The following KIAA0825 variants were observed in gnomAD, a reference collection of about 807,000 sequenced individuals.
KIAA0825 encodes the protein uncharacterized protein KIAA0825.
KIAA0825 carries 119 observed loss-of-function variants against 147.6 expected under a neutral mutation model. The observed-to-expected ratio is 0.81, with a 90% confidence interval of 0.69 to 0.94. The LOEUF (loss-of-function observed/expected upper bound fraction) is 0.94. KIAA0825 is among the 40% of genes least tolerant of loss of function. KIAA0825 has a pLI of 0.00. For missense variants in KIAA0825, 1,381 were observed against 1,472.7 expected, an observed-to-expected ratio of 0.94 and a Z score of 1.02; for synonymous variants, 470 against 518.1, an observed-to-expected ratio of 0.91 and a Z score of 1.26.
intron 20 of KIAA0825, among the ~76,000 whole-genome samples, chr5:94,305,422 A>G (rs1225865904): frequency 6.6e-6 from 1 of 151,980 alleles, no homozygotes. Flanking sequence ...TAGGATTGAC[A>G]TATGACATTT....
intron 20 of KIAA0825, among the ~76,000 whole-genome samples, chr5:94,201,613 T>C (rs1037917320): frequency 1.3e-5 from 2 of 149,878 alleles, no homozygotes; most frequent in African/African-American, 5.1e-5. Context: ...TTTTGGTTTT[T>C]TGGTTTTTTT....
chr5:94,211,853 A>G (rs1772739592), intron 20 of KIAA0825, among the ~76,000 whole-genome samples: 1 of 152,188 alleles, frequency 6.6e-6, no homozygotes, highest in Non-Finnish European at 1.5e-5. Context: ...ATCCCTAACT[A>G]TGTTCTCAGA....
chr5:94,411,019 G>A (rs1483230994), intron 15 of KIAA0825, among the ~76,000 whole-genome samples: 1 of 151,986 alleles, frequency 6.6e-6, no homozygotes, highest in African/African-American at 2.4e-5. Context: ...ACAATAAATT[G>A]TAGGGTTTAT....
intron 20 of KIAA0825, among the ~76,000 whole-genome samples, chr5:94,199,941 T>C (rs1331612372): frequency 6.6e-6 from 1 of 152,116 alleles, no homozygotes; most frequent in Non-Finnish European, 1.5e-5. Context: ...ACAGGGACCC[T>C]GGGAGAGACT....
intron 15 of KIAA0825, chr5:94,414,487 G>A (rs975090386): frequency 6.6e-5 from 10 of 152,240 alleles, no homozygotes; most frequent in Non-Finnish European, 1.0e-4. Flanking sequence ...TTAATTATTT[G>A]TTGTACTTAT....
At chr5:94,432,470 T>A (rs1259550510) in intron 14 of KIAA0825, among the ~76,000 whole-genome samples, 1 of 152,220 alleles carries the variant, frequency 6.6e-6, no homozygotes, top group Non-Finnish European at 1.5e-5. Flanking sequence ...TTTCTGGGAC[T>A]AATAATTTTA....
chr5:94,431,317 A>G (rs371427752), intron 14 of KIAA0825, among the ~76,000 whole-genome samples: 3 of 152,226 alleles, frequency 2.0e-5, no homozygotes, highest in Non-Finnish European at 4.4e-5. Flanking sequence ...CAATGAATAA[A>G]ACAGAATTGT....
chr5:94,365,415 G>A (rs540839602), intron 20 of KIAA0825, among the ~76,000 whole-genome samples: 5 of 152,222 alleles, frequency 3.3e-5, no homozygotes, highest in East Asian at 1.9e-4. Flanking sequence ...GCAGATGCCC[G>A]CATCAAGTTT....
chr5:94,440,367 CCTATGTTTCATGGAA>C (rs1562498785), intron 13 of KIAA0825, among the ~76,000 whole-genome samples: 1 of 152,118 alleles, frequency 6.6e-6, no homozygotes, highest in Non-Finnish European at 1.5e-5. Flanking sequence ...AATACCCATG[CCTATGTTTCATGGAA>C]CTATGTCTGT....
At chr5:94,464,015 A>G (rs2150960359) in intron 11 of KIAA0825, among the ~76,000 whole-genome samples, 1 of 151,090 alleles carries the variant, frequency 6.6e-6, no homozygotes, top group Admixed American at 6.6e-5. Flanking sequence ...ATGCCCTTCA[A>G]ATTACAGCAT....
intron 20 of KIAA0825, among the ~76,000 whole-genome samples, chr5:94,301,956 G>A (rs1434562889): frequency 2.6e-5 from 4 of 152,060 alleles, no homozygotes; most frequent in Non-Finnish European, 4.4e-5. Context: ...TGCAATATCA[G>A]TGACATTTGG....
intron 14 of KIAA0825, among the ~76,000 whole-genome samples, chr5:94,425,090 T>G (rs182488428): frequency 1.3e-5 from 2 of 152,168 alleles, no homozygotes; most frequent in Admixed American, 1.3e-4. Context: ...CTCAAACTAT[T>G]CTAAAAGAGT....
In KIAA0825 at chr5:94,440,237, T is replaced by TCTGAAAATG. The variant is rs780258961; in HGVS notation, c.2358-125_2358-117dup. ...TAAATGTCAATTCCTCCCTGATTAC[T>TCTGAAAATG]CTGAAAATGCTTTCATGCTTGCTTA... is the stretch of plus-strand genomic sequence containing the variant. On this transcript the variant is annotated intron_variant, in intron 13 of 20. Coordinates refer to ENST00000682413, the MANE Select transcript of KIAA0825 (RefSeq NM_001145678.3). 765 of 1,062,190 alleles carry TCTGAAAATG rather than the reference T, an allele frequency of 7.2e-4. 1 individual carries two copies. The highest frequency in any genetic ancestry group is 9.4e-4 in the Non-Finnish European group (711 of 753,354). The allele number at this position is 1,062,190 out of a possible 1,614,324, so 65.8% of individuals were successfully genotyped here.
At chr5:94,571,558 G>C (rs1382273587) in intron 2 of KIAA0825, among the ~76,000 whole-genome samples, 4 of 152,318 alleles carry the variant, frequency 2.6e-5, no homozygotes, top group Middle Eastern at 3.4e-3. Context: ...ATGCCTGACA[G>C]AGTGGTATAC....
chr5:94,322,560 T>C (rs1258034652), intron 20 of KIAA0825, among the ~76,000 whole-genome samples: 1 of 151,946 alleles, frequency 6.6e-6, no homozygotes, highest in Non-Finnish European at 1.5e-5. Context: ...GTAAAATTAC[T>C]GAAACTGTAA....
At chr5:94,496,221 A>C (rs1484345810) in intron 5 of KIAA0825, among the ~76,000 whole-genome samples, 4 of 152,176 alleles carry the variant, frequency 2.6e-5, no homozygotes, top group Non-Finnish European at 5.9e-5. Flanking sequence ...TGGAGAAAAA[A>C]ATCAAAAGGA....
At chr5:94,337,441 AT>A (rs1584164931) in intron 20 of KIAA0825, among the ~76,000 whole-genome samples, 1 of 152,104 alleles carries the variant, frequency 6.6e-6, no homozygotes, top group Non-Finnish European at 1.5e-5. Context: ...TTAATTCTTC[AT>A]TTACATATAC....
intron 1 of KIAA0825, among the ~76,000 whole-genome samples, chr5:94,600,885 C>G (rs559715414): frequency 3.3e-5 from 5 of 152,306 alleles, no homozygotes; most frequent in Admixed American, 2.6e-4. Flanking sequence ...TCCAGCCACT[C>G]CCACTGACAT....
At chr5:94,352,195 T>G (rs1373642580) in intron 20 of KIAA0825, among the ~76,000 whole-genome samples, 1 of 151,980 alleles carries the variant, frequency 6.6e-6, no homozygotes, top group Admixed American at 6.6e-5. Flanking sequence ...TATCCAGAAT[T>G]TACAAAGAAC....
Sources: gnomAD v4.1 joint callset for allele counts (sites outside exome capture counted in the v4.1 genomes callset) on GRCh38, gnomAD v4.1.1 for gene constraint, MANE v1.5 for transcripts, NCBI Gene and HGNC (gene_info 2026-07-23, HGNC 2026-07-21) for gene names.